SERPINB6: variants seen among roughly 807,000 people sequenced by gnomAD.
SERPINB6 encodes serpin family B member 6, also known as serpin B6.
SERPINB6 carries 16 observed loss-of-function variants against 26.1 expected under a neutral mutation model. The observed-to-expected ratio is 0.61, with a 90% CI of 0.42 to 0.93. The LOEUF (loss-of-function observed/expected upper bound fraction) is 0.93, where lower values mean the gene tolerates loss of function less well. SERPINB6 is among the 40% of genes least tolerant of loss of function. The pLI is 0.00. For missense variants in SERPINB6, 420 were observed against 478.0 expected (o/e 0.88, Z 1.13); for synonymous variants, 174 against 176.6 (o/e 0.99, Z 0.11).
chr6:2,969,230 G>A (rs1314420224), intron 1 of SERPINB6: 4 of 985,796 alleles, frequency 4.1e-6, no homozygotes, highest in African/African-American at 1.7e-5. Context: ...TTCAGCAAAC[G>A]TGTGAGTAAC....
chr6:2,955,803 G>A (rs1004674571), intron 2 of SERPINB6, 133 bp from the exon 3 acceptor site: 17 of 1,002,876 alleles, frequency 1.7e-5, no homozygotes, highest in East Asian at 7.9e-5. Flanking sequence ...GAGGCTGGGC[G>A]CAGCAGCTCA....
chr6:2,959,504 G>T, intron 1 of SERPINB6, 162 bp from the exon 2 acceptor site: 1 of 719,646 alleles, frequency 1.4e-6, no homozygotes, highest in Admixed American at 2.2e-5. Flanking sequence ...ACATTATTTT[G>T]TGTGTTTCTA....
chr6:2,954,849 C>A, intron 3 of SERPINB6, 140 bp from the exon 4 acceptor site: 2 of 688,542 alleles, frequency 2.9e-6, no homozygotes, highest in Non-Finnish European at 2.6e-6. Context: ...GAGGACTTAA[C>A]CTAAACTACA....
chr6:2,948,942 A>G lies in SERPINB6; in HGVS notation c.701T>C (p.Leu234Pro). 1 of 1,614,242 alleles carries G rather than the reference A, an allele frequency of 6.2e-7. No homozygotes were observed. ...TCTCAAGTCAGTGGTCTCGTCCGGA[A>G]GCATGATGATCATATTCAGTTCCTT... Reference protein sequence around the residue: ...VGKELNMIIMLPDETTDLRTV... With the variant: ...VGKELNMIIMPPDETTDLRTV... Residue 234 changes from leucine (L) to proline (P), a missense_variant, in exon 6 of 7, where the codon CTT becomes CCT. Leu to Pro is a moderately conservative substitution (Grantham distance 98). Coordinates refer to ENST00000380539, the MANE Select transcript of SERPINB6 (RefSeq NM_004568.6). This position sits in a 1 kb window ranked among gnomAD's most constrained non-coding sequence, Gnocchi z 5.0.
chr6:2,962,147 A>G (rs1771189422), intron 1 of SERPINB6: 3 of 985,352 alleles, frequency 3.0e-6, no homozygotes, highest in Non-Finnish European at 3.6e-6. Flanking sequence ...AACTTCAACA[A>G]AGCAAAGCCA....
At chr6:2,954,776 C>G (rs1770238308) in intron 3 of SERPINB6, 67 bp from the exon 4 acceptor site, 3 of 1,012,170 alleles carry the variant, frequency 3.0e-6, no homozygotes, top group Non-Finnish European at 4.7e-6. Flanking sequence ...CCTACTTCTT[C>G]ATTGCACCAA....
intron 2 of SERPINB6, 80 bp from the exon 3 acceptor site, chr6:2,955,750 TAACAACC>T: frequency 6.6e-7 from 1 of 1,506,430 alleles, no homozygotes; most frequent in Non-Finnish European, 9.2e-7. Flanking sequence ...AAACTCAGCC[TAACAACC>T]ATCCAGACCC....
chr6:2,953,745 G>A (rs1370395006), intron 4 of SERPINB6, among the ~76,000 whole-genome samples: 2 of 152,138 alleles, frequency 1.3e-5, no homozygotes, highest in African/African-American at 4.8e-5. Flanking sequence ...TGAAGCAGGA[G>A]GACCGCTTGA....
At chr6:2,970,140 G>A (rs982296662) in intron 1 of SERPINB6, 35 of 984,822 alleles carry the variant, frequency 3.6e-5, no homozygotes, top group Non-Finnish European at 4.2e-5. Flanking sequence ...TGTAAGGTGT[G>A]TGGTCTTCCC....
rs1438592098 is a variant in SERPINB6, at chr6:2,971,564, G to A, written c.-42C>T. ...GCGGGGAGCGAGCGAGCAGAACGGC[G>A]GGCAGAGGCGCCGGAGCCGCCCCGG... is the stretch of plus-strand genomic sequence containing the variant. On this transcript the variant is annotated 5_prime_UTR_variant, in exon 1 of 7. Coordinates refer to ENST00000380539, the MANE Select transcript of SERPINB6 (RefSeq NM_004568.6). 1 of 152,260 alleles carries A rather than the reference G, an allele frequency of 6.6e-6. No homozygotes were observed. The highest frequency in any genetic ancestry group is 1.5e-5 in the Non-Finnish European group (1 of 68,090). The allele number at this position is 152,260 out of a possible 1,614,324, so 9.4% of individuals were successfully genotyped here.
chr6:2,968,587 ATTATAGT>A (rs1771845589), intron 1 of SERPINB6: 1 of 1,211,634 alleles, frequency 8.3e-7, no homozygotes. Flanking sequence ...GGATACCACA[ATTATAGT>A]TTATTGAGTC....
At chr6:2,964,453 T>C (rs1444357391) in intron 1 of SERPINB6, among the ~76,000 whole-genome samples, 1 of 152,180 alleles carries the variant, frequency 6.6e-6, no homozygotes, top group East Asian at 1.9e-4. Flanking sequence ...AATTTATCCA[T>C]GTAAATTAGG....
At chr6:2,969,971 C>G (rs1771980688) in intron 1 of SERPINB6, 2 of 808,900 alleles carry the variant, frequency 2.5e-6, no homozygotes, top group Non-Finnish European at 3.0e-6. Context: ...CCCATTGCTA[C>G]TAAAAATACA....
chr6:2,953,192 CG>C lies in SERPINB6; in HGVS notation c.431-7del. 1.9e-6 allele frequency: 3 copies of C among 1,614,130 alleles called. No individual in the cohort carries two copies. Among genetic ancestry groups the C allele is most frequent in the Non-Finnish European group, 2.5e-6 (3 of 1,180,006 alleles). The stretch of plus-strand genomic sequence containing the variant: ...GAGCAACTCCGCAATTTTACCTGAG[CG>C]GAAGAATTCAAGACCGCATTAGATA... On this transcript the variant is annotated splice_polypyrimidine_tract_variant and splice_region_variant and intron_variant, in intron 4 of 6. Coordinates refer to ENST00000380539, the MANE Select transcript of SERPINB6 (RefSeq NM_004568.6).
chr6:2,952,965 G>C (rs1466298735), intron 5 of SERPINB6, 79 bp downstream of exon 5: 20 of 1,598,172 alleles, frequency 1.3e-5, no homozygotes, highest in Non-Finnish European at 1.7e-5. Flanking sequence ...AAGGCCCCAC[G>C]GCTGCAGACG....
chr6:2,950,206 A>T (rs1007146338), intron 5 of SERPINB6, among the ~76,000 whole-genome samples: 6 of 152,174 alleles, frequency 3.9e-5, no homozygotes, highest in Non-Finnish European at 7.3e-5. Flanking sequence ...TGCATGGCTG[A>T]AAAATACCTA....
Position 2,948,975 on chromosome 6 carries a change from T to C in SERPINB6, c.668A>G (p.Tyr223Cys). Residue 223 changes from tyrosine to cysteine, a missense_variant, in exon 6 of 7, where the codon TAT (tyrosine) becomes TGT (cysteine). Physicochemically the swap from Tyr to Cys is radical, Grantham distance 194. Transcript: ENST00000380539. This position sits in a 1 kb window ranked among gnomAD's most constrained non-coding sequence, Gnocchi z 5.0. ...GATCATATTCAGTTCCTTGCCAACA[T>C]ATGGAAGCACCAAGATTTGGGTAAA... ...EIFTQILVLPYVGKELNMIIM... is the reference protein window; with the variant it reads ...EIFTQILVLPCVGKELNMIIM... 1.9e-6 allele frequency: 3 copies of C among 1,614,242 alleles called. No individual in the cohort carries two copies. Among genetic ancestry groups the C allele is most frequent in the Non-Finnish European group, 2.5e-6 (3 of 1,180,042 alleles).
At chr6:2,954,169 G>A (rs1036129341) in intron 4 of SERPINB6, among the ~76,000 whole-genome samples, 2 of 151,702 alleles carry the variant, frequency 1.3e-5, no homozygotes, top group Non-Finnish European at 2.9e-5. Context: ...AGACCAGGGC[G>A]TGACCCAGTG....
rs751548920 is a variant in SERPINB6, at chr6:2,948,863, A to G, written c.729+51T>C. The G allele has an allele frequency of 3.0e-5, 48 of 1,610,684 alleles. No individual in the cohort carries two copies. Among genetic ancestry groups the G allele is most frequent in the Non-Finnish European group, 1.1e-5 (13 of 1,177,726 alleles). ...AGTAGGGACAGCAGCCACAGCAGAC[A>G]CCCCCGAGTGGCTCCTTGCTAGCAC... On this transcript the variant is annotated intron_variant, in intron 6 of 6. Transcript: ENST00000380539. This position sits in a 1 kb window ranked among gnomAD's most constrained non-coding sequence, Gnocchi z 5.0.
Sources: allele counts gnomAD v4.1 joint callset (sites outside exome capture counted in the v4.1 genomes callset), GRCh38; gene constraint gnomAD v4.1.1; non-coding constraint Gnocchi (gnomAD v3.1); transcripts MANE v1.5; gene names NCBI Gene and HGNC (gene_info 2026-07-23, HGNC 2026-07-21).